Variants in SLC25A26 observed in about 807,000 individuals in gnomAD.
SLC25A26 encodes the protein solute carrier family 25 member 26, also known as mitochondrial S-adenosylmethionine carrier protein.
A neutral mutation model predicts 37.8 loss-of-function variants in SLC25A26; 36 were observed. The observed-to-expected ratio is 0.95, with a 90% confidence interval of 0.73 to 1.26. SLC25A26 has a LOEUF of 1.26. Ranked by LOEUF, SLC25A26 falls within the 50% of genes most tolerant of loss-of-function variation. The pLI, the probability that SLC25A26 is intolerant of heterozygous loss-of-function variation, is 0.00. For missense variants in SLC25A26, 390 were observed against 331.1 expected (o/e 1.18, Z -1.38); for synonymous variants, 129 against 122.5 (o/e 1.05, Z -0.35).
chr3:66,192,658 T>A (rs2106794002), intron 1 of SLC25A26, among the ~76,000 whole-genome samples: 1 of 152,342 alleles, frequency 6.6e-6, no homozygotes, highest in East Asian at 1.9e-4. Context: ...AAGTCCTTAT[T>A]GCTTCTCAGA....
Position 66,260,339 on chromosome 3 carries a change from A to G in SLC25A26, c.301-1712A>G, listed in dbSNP as rs550610078. 5.0e-4 allele frequency among the ~76,000 whole-genome samples: 76 copies of G among 152,240 alleles called. 1 individual carries two copies. Among genetic ancestry groups the G allele is most frequent in the Admixed American group, 2.2e-3 (34 of 15,298 alleles). ...ATATGTATTTCTTGAACTGAATTAG[A>G]TAAGTTTGAAGGGAGACTGGGTGGA... On this transcript the variant is annotated intron_variant, in intron 3 of 9. Transcript: ENST00000354883.
chr3:66,219,653 T>C (rs1397789693), upstream of SLC25A26, among the ~76,000 whole-genome samples: 7 of 151,942 alleles, frequency 4.6e-5, no homozygotes, highest in Admixed American at 3.3e-4. Context: ...GTCCGGCTAG[T>C]GGGAAGAGTG....
At chr3:66,281,636 C>G (rs1357517200) in intron 5 of SLC25A26, among the ~76,000 whole-genome samples, 1 of 152,076 alleles carries the variant, frequency 6.6e-6, no homozygotes, top group African/African-American at 2.4e-5. Context: ...AGTGACAGTT[C>G]AAGGGATTTT....
intron 6 of SLC25A26, chr3:66,356,176 A>G: frequency 2.3e-6 from 1 of 438,072 alleles, no homozygotes; most frequent in Non-Finnish European, 4.5e-6. Context: ...TTTAAAAGTG[A>G]AAAACAAAGC....
At chr3:66,368,588 A>G in intron 7 of SLC25A26, among the ~76,000 whole-genome samples, 1 of 152,218 alleles carries the variant, frequency 6.6e-6, no homozygotes, top group South Asian at 2.1e-4. Flanking sequence ...GTGAAACACA[A>G]AAAGCTTTGC....
intron 5 of SLC25A26, among the ~76,000 whole-genome samples, chr3:66,330,934 C>T (rs1204426913): frequency 6.6e-6 from 1 of 152,034 alleles, no homozygotes; most frequent in Admixed American, 6.6e-5. Context: ...TTGGTTACTC[C>T]TTTTCTTGGG....
intron 5 of SLC25A26, among the ~76,000 whole-genome samples, chr3:66,322,421 G>A (rs1200530195): frequency 6.6e-6 from 1 of 152,208 alleles, no homozygotes; most frequent in Non-Finnish European, 1.5e-5. Flanking sequence ...GGTTGCTACA[G>A]TTTCAATCTC....
intron 1 of SLC25A26, among the ~76,000 whole-genome samples, chr3:66,191,961 A>G (rs2070951084): frequency 6.6e-6 from 1 of 151,870 alleles, no homozygotes; most frequent in South Asian, 2.1e-4. Context: ...GGTATTAGGA[A>G]ATGGGGCCTC....
chr3:66,333,732 C>A (rs1199127410), intron 5 of SLC25A26, among the ~76,000 whole-genome samples: 9 of 152,152 alleles, frequency 5.9e-5, no homozygotes, highest in Non-Finnish European at 1.3e-4. Context: ...CAAGGGTCAT[C>A]AGATCTCTGT....
chr3:66,208,172 A>ATT (rs1216524422), intron 1 of SLC25A26, among the ~76,000 whole-genome samples: 1 of 151,972 alleles, frequency 6.6e-6, no homozygotes, highest in African/African-American at 2.4e-5. Context: ...AAAAATCTAG[A>ATT]TTTTTTTTAA....
At chr3:66,171,569 A>C (rs1036013176) in intron 1 of SLC25A26, among the ~76,000 whole-genome samples, 1 of 152,012 alleles carries the variant, frequency 6.6e-6, no homozygotes, top group Non-Finnish European at 1.5e-5. Context: ...TGCTCACTGC[A>C]ACCTCGGCCT....
intron 1 of SLC25A26, among the ~76,000 whole-genome samples, chr3:66,197,446 C>T: frequency 6.6e-6 from 1 of 152,116 alleles, no homozygotes; most frequent in Non-Finnish European, 1.5e-5. Flanking sequence ...GTCTCAGGCT[C>T]AGCTTCAAGG....
chr3:66,308,915 T>C (rs1365367119), intron 5 of SLC25A26, among the ~76,000 whole-genome samples: 1 of 152,202 alleles, frequency 6.6e-6, no homozygotes, highest in Non-Finnish European at 1.5e-5. Flanking sequence ...AGCTTTTTGA[T>C]GTGCTGCTGG....
At chr3:66,147,276 G>T (rs1250484097) in intron 1 of SLC25A26, among the ~76,000 whole-genome samples, 1 of 150,696 alleles carries the variant, frequency 6.6e-6, no homozygotes, top group Non-Finnish European at 1.5e-5. Flanking sequence ...CGATCCTCCC[G>T]CCTCATCCTC....
In SLC25A26 at chr3:66,180,390, G is replaced by T. The variant is rs911716972; in HGVS notation, c.-353-40352G>T. ...TAGGAGAAGCCAATGCAGGGGCAGG[G>T]AACATGCCGCAGAGCAACGGAAGTG... On this transcript the variant is annotated intron_variant, in intron 1 of 10. Transcript: ENST00000676754. Among the ~76,000 whole-genome samples, 3 of 152,280 alleles carry T rather than the reference G, an allele frequency of 2.0e-5. No homozygotes were observed. The East Asian group carries it at 5.8e-4, about 29-fold the overall frequency.
intron 1 of SLC25A26, among the ~76,000 whole-genome samples, chr3:66,224,557 A>T (rs546836251): frequency 6.6e-6 from 1 of 152,334 alleles, no homozygotes; most frequent in South Asian, 2.1e-4. Flanking sequence ...TTACAATTCA[A>T]GATGAGATTT....
chr3:66,257,189 G>C (rs561773673), intron 3 of SLC25A26, among the ~76,000 whole-genome samples: 1 of 151,958 alleles, frequency 6.6e-6, no homozygotes, highest in African/African-American at 2.4e-5. Context: ...ATCTTTTGAG[G>C]TTAGATAAGG....
At chr3:66,320,009 G>C (rs1284278357) in intron 5 of SLC25A26, among the ~76,000 whole-genome samples, 1 of 152,002 alleles carries the variant, frequency 6.6e-6, no homozygotes, top group African/African-American at 2.4e-5. Context: ...GCCTCCCAAA[G>C]TGCTGGAAAG....
At chr3:66,347,958 A>G (rs2076364721) in intron 6 of SLC25A26, among the ~76,000 whole-genome samples, 1 of 152,148 alleles carries the variant, frequency 6.6e-6, no homozygotes, top group Non-Finnish European at 1.5e-5. Context: ...ACAACACACA[A>G]TGACTGGGGC....
Sources: allele counts gnomAD v4.1 joint callset (sites outside exome capture counted in the v4.1 genomes callset), GRCh38; gene constraint gnomAD v4.1.1; transcripts MANE v1.5; gene names NCBI Gene and HGNC (gene_info 2026-07-23, HGNC 2026-07-21).